Variants in ASIC2 observed in about 807,000 individuals in gnomAD.
ASIC2 encodes the protein acid sensing ion channel subunit 2.
ASIC2 carries 25 observed loss-of-function variants against 57.3 expected under a neutral mutation model. The ratio of observed to expected loss-of-function variants is 0.44; its 90% CI spans 0.32 to 0.61. The LOEUF is 0.61. Ranked by LOEUF, ASIC2 falls within the 20% of genes least tolerant of loss-of-function variation. The probability of loss-of-function intolerance (pLI) is 0.06; values close to 1 mark genes in which losing one functional copy is unlikely to be tolerated. For missense variants in ASIC2, 641 were observed against 738.1 expected, an observed-to-expected ratio of 0.87 and a Z score of 1.52; for synonymous variants, 319 against 307.5, an observed-to-expected ratio of 1.04 and a Z score of -0.39.
At chr17:33,297,350 A>G (rs146258387), upstream of ASIC2, among the ~76,000 whole-genome samples, 504 of 152,112 alleles carry the variant, frequency 3.3e-3, 1 homozygote, top group Non-Finnish European at 4.4e-3. Context: ...CTAGCTCCTG[A>G]TATTTCTGCG....
At chr17:33,752,107 A>G (rs1339460698) in intron 1 of ASIC2, among the ~76,000 whole-genome samples, 2 of 152,200 alleles carry the variant, frequency 1.3e-5, no homozygotes, top group African/African-American at 2.4e-5. Context: ...AGAAGGTTGC[A>G]GTCTGGGTAG....
intron 1 of ASIC2, among the ~76,000 whole-genome samples, chr17:33,973,225 A>G (rs1333400825): frequency 6.6e-6 from 1 of 152,240 alleles, no homozygotes; most frequent in African/African-American, 2.4e-5. Context: ...CAAAGGGCCA[A>G]GGGTTATTCA....
intron 1 of ASIC2, among the ~76,000 whole-genome samples, chr17:33,856,580 C>CAGTAGCAGCATCAGTAGAAG: frequency 6.6e-5 from 1 of 15,232 alleles, no homozygotes; most frequent in Admixed American, 1.1e-3. Context: ...GTGCTGTTGG[C>CAGTAGCAGCATCAGTAGAAG]TGTAGTATCC....
At chr17:33,956,050 C>T (rs183229236) in intron 1 of ASIC2, among the ~76,000 whole-genome samples, 1 of 151,998 alleles carries the variant, frequency 6.6e-6, no homozygotes, top group Non-Finnish European at 1.5e-5. Flanking sequence ...GTGATGGACT[C>T]ATGAAACAAG....
intron 1 of ASIC2, among the ~76,000 whole-genome samples, chr17:33,162,344 G>C (rs1476445740): frequency 6.6e-6 from 1 of 152,118 alleles, no homozygotes; most frequent in Admixed American, 6.5e-5. Flanking sequence ...GGGCCAAAAA[G>C]CATCGCCACA....
chr17:33,182,148 T>C (rs1398592316), intron 1 of ASIC2, among the ~76,000 whole-genome samples: 1 of 152,118 alleles, frequency 6.6e-6, no homozygotes. Context: ...AATCTAGGGA[T>C]GATACGGTGA....
chr17:33,673,575 C>T (rs372887215), intron 1 of ASIC2, among the ~76,000 whole-genome samples: 4 of 152,136 alleles, frequency 2.6e-5, no homozygotes, highest in African/African-American at 7.2e-5. Flanking sequence ...CACATATCAC[C>T]AGGGAGCAGG....
rs530956133 is a variant in ASIC2, at chr17:33,733,177, C to A, written c.555+422801G>T. 8.5e-5 allele frequency among the ~76,000 whole-genome samples: 13 copies of A among 152,278 alleles called. No homozygotes were observed. The South Asian group carries it at 2.7e-3, about 32-fold the overall frequency. ...CCTGTCCCCTCACTTCTGACTCCAA[C>A]CTCTGCAGGAAAGAAAAGGGTCCAG... is the stretch of plus-strand genomic sequence containing the variant. On this transcript the variant is annotated intron_variant, in intron 1 of 9. Coordinates refer to the ASIC2 transcript ENST00000359872.
intron 1 of ASIC2, among the ~76,000 whole-genome samples, chr17:33,973,880 A>G (rs948361755): frequency 6.6e-6 from 1 of 152,116 alleles, no homozygotes; most frequent in Non-Finnish European, 1.5e-5. Context: ...GGCCTCAGGG[A>G]TGCCTTGCCA....
chr17:33,832,847 C>A (rs1414803840), intron 1 of ASIC2, among the ~76,000 whole-genome samples: 1 of 152,170 alleles, frequency 6.6e-6, no homozygotes, highest in African/African-American at 2.4e-5. Context: ...CTTCGGAAGG[C>A]AGGCACAATG....
chr17:33,519,647 T>G (rs1914683220), intron 1 of ASIC2, among the ~76,000 whole-genome samples: 1 of 152,176 alleles, frequency 6.6e-6, no homozygotes, highest in Non-Finnish European at 1.5e-5. Flanking sequence ...GGTAGGCAGC[T>G]TAATCACCAC....
chr17:33,119,070 T>G (rs913832158), intron 1 of ASIC2, among the ~76,000 whole-genome samples: 3 of 152,202 alleles, frequency 2.0e-5, no homozygotes, highest in African/African-American at 4.8e-5. Flanking sequence ...GCTGTGTACC[T>G]ACTTAAGAAA....
At chr17:33,609,286 A>G (rs1905319024) in intron 1 of ASIC2, among the ~76,000 whole-genome samples, 1 of 152,144 alleles carries the variant, frequency 6.6e-6, no homozygotes, top group South Asian at 2.1e-4. Context: ...CGGCTTCCCA[A>G]TGCACTTGGG....
At chr17:33,895,166 ATTTTTT>A (rs11387427) in intron 1 of ASIC2, among the ~76,000 whole-genome samples, 2 of 143,950 alleles carry the variant, frequency 1.4e-5, no homozygotes, top group Non-Finnish European at 3.0e-5. Flanking sequence ...TTTTTTTGCT[ATTTTTT>A]TTTTTTTTTA....
intron 1 of ASIC2, chr17:33,930,982 G>T (rs931165522): frequency 6.6e-6 from 1 of 152,562 alleles, no homozygotes; most frequent in Non-Finnish European, 1.5e-5. Context: ...GCAGTGGCAC[G>T]ATCTCGGCTC....
intron 1 of ASIC2, among the ~76,000 whole-genome samples, chr17:33,702,996 A>G (rs1177282757): frequency 1.3e-5 from 2 of 152,214 alleles, no homozygotes; most frequent in African/African-American, 4.8e-5. Flanking sequence ...GCCCAGGGTA[A>G]GGGAAGAGTT....
chr17:33,075,959 C>T (rs531489250), intron 3 of ASIC2, among the ~76,000 whole-genome samples: 4 of 152,230 alleles, frequency 2.6e-5, no homozygotes, highest in African/African-American at 7.2e-5. Context: ...CAGTTAAAAA[C>T]GGCTGTCAAT....
intron 1 of ASIC2, among the ~76,000 whole-genome samples, chr17:33,869,504 G>A (rs1407436231): frequency 6.6e-6 from 1 of 152,190 alleles, no homozygotes; most frequent in Non-Finnish European, 1.5e-5. Flanking sequence ...TCCATCAGCT[G>A]ATGAATGAAT....
intron 1 of ASIC2, among the ~76,000 whole-genome samples, chr17:33,932,190 C>T (rs1470420222): frequency 6.6e-6 from 1 of 152,118 alleles, no homozygotes; most frequent in African/African-American, 2.4e-5. Flanking sequence ...GTCTTCCCCA[C>T]CCCAGGCTGC....
Sources: allele counts gnomAD v4.1 joint callset (sites outside exome capture counted in the v4.1 genomes callset), GRCh38; gene constraint gnomAD v4.1.1; transcripts MANE v1.5; gene names NCBI Gene and HGNC (gene_info 2026-07-23, HGNC 2026-07-21).